The following TATDN2 variants were observed in gnomAD, a reference collection of about 807,000 sequenced individuals.
TATDN2 encodes the protein TatD DNase domain containing 2.
Under a neutral mutation model 60.3 loss-of-function variants are expected in TATDN2, and 44 were observed. That is an observed-to-expected ratio of 0.73 (90% CI 0.57 to 0.94). The LOEUF (loss-of-function observed/expected upper bound fraction) is 0.94, where lower values mean the gene tolerates loss of function less well. Among genes scored for constraint, TATDN2 ranks in the 40% least tolerant of loss-of-function variants. The probability of loss-of-function intolerance (pLI) is 0.00; values close to 1 mark genes in which losing one functional copy is unlikely to be tolerated. For synonymous variants in TATDN2, 399 were observed against 355.8 expected (o/e 1.12, Z -1.37); for missense variants, 997 against 948.0 (o/e 1.05, Z -0.68).
chr3:10,278,440 C>T lies in TATDN2; in HGVS notation c.2123C>T (p.Ala708Val). 1 of 1,613,230 alleles carries T rather than the reference C, an allele frequency of 6.2e-7. No homozygotes were observed. Among genetic ancestry groups the T allele is most frequent in the Non-Finnish European group, 8.5e-7 (1 of 1,179,288 alleles). The change falls in exon 6 of 8, where the codon GCT (alanine) becomes GTT (valine). Residue 708 changes from alanine (A) to valine (V), a missense_variant. Ala to Val is a moderately conservative substitution (Grantham distance 64). Transcript: ENST00000448281. This position sits in a 1 kb window ranked among gnomAD's most constrained non-coding sequence, Gnocchi z 4.7. ...GAGAGAATCATCGTGGAAACGGATGCTCCCTATTTCCTCCCTCGCCAGGTA... is the reference window on the plus strand; with the variant it reads ...GAGAGAATCATCGTGGAAACGGATGTTCCCTATTTCCTCCCTCGCCAGGTA... ...PLERIIVETDAPYFLPRQVPK... is the reference protein window; with the variant it reads ...PLERIIVETDVPYFLPRQVPK...
At position 10,260,258 on chromosome 3, in the gene TATDN2, G is replaced by A. The variant is rs778731213; in HGVS notation, c.536G>A (p.Arg179Gln). The change falls in exon 3 of 8, where the codon CGA becomes CAA. Residue 179 changes from arginine to glutamine, a missense_variant. Physicochemically the swap from Arg to Gln is conservative, Grantham distance 43. Coordinates refer to ENST00000448281, the MANE Select transcript of TATDN2 (RefSeq NM_014760.4). ...KVQKRKRDRL[R>Q]DQGSTMIYLK... ...CAGAAAAGGAAGAGGGATAGACTTC[G>A]AGACCAGGGCTCCACAATGATCTAC... 2 of 1,614,152 alleles carry A rather than the reference G, an allele frequency of 1.2e-6. No individual in the cohort carries two copies. Among genetic ancestry groups the A allele is most frequent in the South Asian group, 1.1e-5 (1 of 91,080 alleles).
chr3:10,265,681 C>CAAAAA lies in TATDN2; in HGVS notation c.949-4430_949-4426dup, dbSNP rs60093055. ...TGGGCAACAGAGCAAGACTCCGTCTCAAAAAAAAAAAAAAAAAAAAAAAAG... is the reference window on the plus strand; with the variant it reads ...TGGGCAACAGAGCAAGACTCCGTCTCAAAAAAAAAAAAAAAAAAAAAAAAAAAAAG... On this transcript the variant is annotated intron_variant, in intron 3 of 7. Transcript: ENST00000448281. 1.1e-3 allele frequency among the ~76,000 whole-genome samples: 69 copies of CAAAAA among 62,684 alleles called. 1 individual carries two copies. The highest frequency in any genetic ancestry group is 3.7e-3 in the African/African-American group (68 of 18,262). The allele number at this position is 62,684 out of a possible 152,430, so 41.1% of individuals were successfully genotyped here.
In TATDN2 at chr3:10,270,230, G is replaced by A; in HGVS notation, c.1048G>A (p.Val350Ile). The change falls in exon 4 of 8, where the codon GTC becomes ATC. Residue 350 changes from valine (V) to isoleucine (I), a missense_variant. Transcript: ENST00000448281. ...STVRFSQEEPVSLKPSAVPEP... is the reference protein window; with the variant it reads ...STVRFSQEEPISLKPSAVPEP... The stretch of plus-strand genomic sequence containing the variant: ...AGTCAGATTCTCTCAGGAGGAACCT[G>A]TCTCCCTGAAACCTTCAGCCGTTCC... 6.2e-7 allele frequency: 1 copy of A among 1,614,206 alleles called. No individual in the cohort carries two copies.
chr3:10,260,289 G>A lies in TATDN2; in HGVS notation c.567G>A (p.Lys189=). Residue 189 remains lysine, a synonymous_variant, in exon 3 of 8, where the codon AAG becomes AAA. Coordinates refer to ENST00000448281, the MANE Select transcript of TATDN2 (RefSeq NM_014760.4). ...AGGGCTCCACAATGATCTACCTGAA[G>A]GCTATCCAGGGCATCCTGGGGAAAT... is the stretch of plus-strand genomic sequence containing the variant. The part of the protein sequence containing the change: ...RDQGSTMIYL[K]AIQGILGKSM... 1 of 1,614,202 alleles carries A rather than the reference G, an allele frequency of 6.2e-7. No individual in the cohort carries two copies. The highest frequency in any genetic ancestry group is 1.1e-5 in the South Asian group (1 of 91,078).
At chr3:10,256,140 AG>A (rs1267684028) in intron 2 of TATDN2, among the ~76,000 whole-genome samples, 5 of 151,984 alleles carry the variant, frequency 3.3e-5, no homozygotes, top group Non-Finnish European at 7.4e-5. Context: ...GAGCTCCAGG[AG>A]GCAGACGTTC....
intron 5 of TATDN2, among the ~76,000 whole-genome samples, chr3:10,277,300 C>A (rs1698653609): frequency 6.6e-6 from 1 of 152,192 alleles, no homozygotes; most frequent in African/African-American, 2.4e-5. Context: ...TGAACTCTTG[C>A]CACGTGTAGG....
Position 10,279,296 on chromosome 3 carries a change from A to T in TATDN2, c.*114A>T, listed in dbSNP as rs938251724. Reference sequence around the variant, plus strand: ...GGTCGAGGATGTGTTTAGAGAGCTGATTGGAACACAGAAAACCAGGACAGG... The same window carrying T: ...GGTCGAGGATGTGTTTAGAGAGCTGTTTGGAACACAGAAAACCAGGACAGG... On this transcript the variant is annotated 3_prime_UTR_variant, in exon 8 of 8. Coordinates refer to ENST00000448281, the MANE Select transcript of TATDN2 (RefSeq NM_014760.4). 3.8e-6 allele frequency: 1 copy of T among 262,146 alleles called. No homozygotes were observed. The highest frequency in any genetic ancestry group is 7.1e-6 in the Non-Finnish European group (1 of 141,574). 16.2% of individuals were successfully genotyped at this position (262,146 alleles called of 1,614,324 possible).
At chr3:10,253,415 C>G (rs1203387199) in intron 2 of TATDN2, among the ~76,000 whole-genome samples, 1 of 152,218 alleles carries the variant, frequency 6.6e-6, no homozygotes, top group African/African-American at 2.4e-5. Context: ...AGGTGTTAGA[C>G]TGGTCATTTT....
chr3:10,273,279 G>A (rs1698591774), intron 4 of TATDN2, among the ~76,000 whole-genome samples: 1 of 152,142 alleles, frequency 6.6e-6, no homozygotes, highest in Admixed American at 6.5e-5. Context: ...CTCCTAGGCT[G>A]GGTGGGGGAT....
chr3:10,260,214 T>C lies in TATDN2; in HGVS notation c.492T>C (p.Ile164=), dbSNP rs2125174370. Residue 164 remains isoleucine (I), a synonymous_variant, in exon 3 of 8, where the codon ATT becomes ATC. Transcript: ENST00000448281. The part of the protein sequence containing the change: ...AAEAEGQNDT[I]EEPNKVQKRK... ...AAGCTGAGGGTCAGAATGATACAATTGAGGAACCCAACAAGGTCCAGAAAA... is the reference window on the plus strand; with the variant it reads ...AAGCTGAGGGTCAGAATGATACAATCGAGGAACCCAACAAGGTCCAGAAAA... 1.2e-6 allele frequency: 2 copies of C among 1,614,080 alleles called. No individual in the cohort carries two copies. The highest frequency in any genetic ancestry group is 1.3e-5 in the African/African-American group (1 of 75,010).
At chr3:10,265,729 G>A (rs1214949000) in intron 3 of TATDN2, among the ~76,000 whole-genome samples, 2 of 150,768 alleles carry the variant, frequency 1.3e-5, no homozygotes, top group African/African-American at 4.9e-5. Context: ...AGGTTGGAGT[G>A]CAGTGGCATG....
chr3:10,254,725 A>T (rs1320200935), intron 2 of TATDN2, among the ~76,000 whole-genome samples: 1 of 152,170 alleles, frequency 6.6e-6, no homozygotes, highest in African/African-American at 2.4e-5. Context: ...GCTACTGGTG[A>T]TAGGGCTGGA....
chr3:10,281,045 G>A lies in TATDN2; in HGVS notation c.*1863G>A, dbSNP rs1337312644. On this transcript the variant is annotated 3_prime_UTR_variant, in exon 8 of 8. Transcript: ENST00000448281. ...CTCTAGGATTTAGATTATCATTTAT[G>A]TGCTGTTGCACAGTGAAACCTCACC... 1 of 152,250 alleles carries A rather than the reference G, an allele frequency of 6.6e-6. No individual in the cohort carries two copies. The highest frequency in any genetic ancestry group is 2.4e-5 in the African/African-American group (1 of 41,460). 9.4% of individuals were successfully genotyped at this position (152,250 alleles called of 1,614,324 possible). A position where few individuals can be genotyped will look rare whatever the true frequency, so the allele number is the denominator to read the frequency against.
At chr3:10,272,451 T>C (rs1052030006) in intron 4 of TATDN2, among the ~76,000 whole-genome samples, 1 of 151,816 alleles carries the variant, frequency 6.6e-6, no homozygotes, top group African/African-American at 2.4e-5. Context: ...TTTTTTTTTT[T>C]TTTTAAGGCA....
rs1323658527 is a variant in TATDN2 at position 10,258,005 on chromosome 3, C to T, written c.415-2132C>T. On this transcript the variant is annotated intron_variant, in intron 2 of 7. Coordinates refer to ENST00000448281, the MANE Select transcript of TATDN2 (RefSeq NM_014760.4). ...CCTCCCGAGTAGCTGGGACTACAGG[C>T]GCCCGCCACCACGCACGGCTAATTT... Among the ~76,000 whole-genome samples the T allele has an allele frequency of 7.3e-5, 11 of 150,548 alleles. No individual in the cohort carries two copies. The South Asian group carries it at 8.5e-4, about 12-fold the overall frequency.
At chr3:10,267,549 G>C (rs1698496630) in intron 3 of TATDN2, among the ~76,000 whole-genome samples, 1 of 152,122 alleles carries the variant, frequency 6.6e-6, no homozygotes, top group African/African-American at 2.4e-5. Context: ...CGTCTCTATA[G>C]ATTCATCCTT....
chr3:10,273,860 AGTTT>A (rs1226042098), intron 4 of TATDN2, among the ~76,000 whole-genome samples: 2 of 152,184 alleles, frequency 1.3e-5, no homozygotes, highest in Non-Finnish European at 2.9e-5. Flanking sequence ...GATCCTGAAT[AGTTT>A]GTGTGTAAGT....
At chr3:10,254,856 C>T (rs1559459388) in intron 2 of TATDN2, among the ~76,000 whole-genome samples, 1 of 152,200 alleles carries the variant, frequency 6.6e-6, no homozygotes, top group African/African-American at 2.4e-5. Context: ...TTACCTTCTG[C>T]CCATGGTCTA....
chr3:10,281,194 A>G lies in TATDN2; in HGVS notation c.*2012A>G, dbSNP rs1057169400. 6.6e-6 allele frequency: 1 copy of G among 152,170 alleles called. No homozygotes were observed. The highest frequency in any genetic ancestry group is 2.4e-5 in the African/African-American group (1 of 41,430). 9.4% of individuals were successfully genotyped at this position (152,170 alleles called of 1,614,324 possible). Reference sequence around the variant, plus strand: ...CCTCTTTGGCCATCTTTTTCTGAAAATAAAGTGATGGATCCTCTAGCCAAC... The same window carrying G: ...CCTCTTTGGCCATCTTTTTCTGAAAGTAAAGTGATGGATCCTCTAGCCAAC... On this transcript the variant is annotated 3_prime_UTR_variant, in exon 8 of 8. Coordinates refer to ENST00000448281, the MANE Select transcript of TATDN2 (RefSeq NM_014760.4).
Sources: gnomAD v4.1 joint callset for allele counts (sites outside exome capture counted in the v4.1 genomes callset) on GRCh38, gnomAD v4.1.1 for gene constraint, Gnocchi (gnomAD v3.1) non-coding constraint, MANE v1.5 for transcripts, NCBI Gene and HGNC (gene_info 2026-07-23, HGNC 2026-07-21) for gene names.